SAMMSON: variants seen among roughly 807,000 people sequenced by gnomAD.
The protein encoded by SAMMSON is survival associated mitochondrial melanoma specific oncogenic non-coding RNA, also known as long intergenic non-protein coding RNA 1212.
chr3:70,184,582 T>C (rs1457862024), intron 4 of SAMMSON, among the ~76,000 whole-genome samples: 3 of 152,248 alleles, frequency 2.0e-5, no homozygotes, highest in Non-Finnish European at 4.4e-5. Context: ...GTTTCTTATA[T>C]GTTTGTTAGC....
At chr3:70,124,902 A>G (rs754821274) in intron 4 of SAMMSON, among the ~76,000 whole-genome samples, 2 of 151,846 alleles carry the variant, frequency 1.3e-5, no homozygotes, top group Non-Finnish European at 2.9e-5. Context: ...AAATACATAT[A>G]ATATAGTTCC....
chr3:70,355,128 C>G (rs1349864234), intron 8 of SAMMSON, among the ~76,000 whole-genome samples: 1 of 152,182 alleles, frequency 6.6e-6, no homozygotes, highest in Non-Finnish European at 1.5e-5. Flanking sequence ...TAGGAGACTT[C>G]AGGTCTCTTC....
intron 7 of SAMMSON, among the ~76,000 whole-genome samples, chr3:70,337,576 A>G (rs1010697743): frequency 4.6e-5 from 7 of 152,080 alleles, no homozygotes; most frequent in East Asian, 3.9e-4. Flanking sequence ...ATATTTTGCA[A>G]TCTTTATTTA....
At chr3:70,265,040 G>A (rs139334039) in intron 6 of SAMMSON, among the ~76,000 whole-genome samples, 146 of 152,224 alleles carry the variant, frequency 9.6e-4, no homozygotes, top group Non-Finnish European at 1.5e-3. Context: ...ATCAGATATC[G>A]TGAGACTTAT....
At chr3:70,424,460 T>C (rs957570936) in intron 2 of SAMMSON, among the ~76,000 whole-genome samples, 1 of 152,168 alleles carries the variant, frequency 6.6e-6, no homozygotes, top group Non-Finnish European at 1.5e-5. Context: ...AAACAACAAA[T>C]GTACTAAAAT....
chr3:70,247,310 T>C (rs2106647421), intron 4 of SAMMSON, among the ~76,000 whole-genome samples: 1 of 152,134 alleles, frequency 6.6e-6, no homozygotes, highest in South Asian at 2.1e-4. Context: ...AGGCTGTGTT[T>C]CTCTGGCAGT....
intron 7 of SAMMSON, among the ~76,000 whole-genome samples, chr3:70,335,286 G>A (rs1450388832): frequency 1.3e-5 from 2 of 151,984 alleles, no homozygotes; most frequent in Non-Finnish European, 2.9e-5. Context: ...TATGTACATA[G>A]TACATGCACT....
intron 7 of SAMMSON, among the ~76,000 whole-genome samples, chr3:70,345,709 A>G (rs757592050): frequency 6.6e-6 from 1 of 152,164 alleles, no homozygotes; most frequent in Non-Finnish European, 1.5e-5. Context: ...TGTTTTGCCT[A>G]TTCCAGAATA....
chr3:70,066,002 C>G (rs961011840), intron 3 of SAMMSON, among the ~76,000 whole-genome samples: 1 of 152,084 alleles, frequency 6.6e-6, no homozygotes, highest in Non-Finnish European at 1.5e-5. Context: ...TGAGCTGAGG[C>G]CTATGTAACC....
At chr3:70,264,226 T>G (rs1192195562) in intron 6 of SAMMSON, among the ~76,000 whole-genome samples, 1 of 152,222 alleles carries the variant, frequency 6.6e-6, no homozygotes, top group Non-Finnish European at 1.5e-5. Flanking sequence ...GACTTGAACA[T>G]CTCTTGACCT....
At chr3:70,134,272 A>AG (rs1379491074) in intron 4 of SAMMSON, among the ~76,000 whole-genome samples, 1 of 151,314 alleles carries the variant, frequency 6.6e-6, no homozygotes, top group Non-Finnish European at 1.5e-5. Context: ...AAAAAAAAAA[A>AG]TATTAAATGA....
chr3:70,110,347 G>T (rs1412274581), intron 4 of SAMMSON, among the ~76,000 whole-genome samples: 1 of 152,140 alleles, frequency 6.6e-6, no homozygotes. Context: ...GACTCTATTT[G>T]TATCCCCAGG....
At chr3:70,206,524 G>T (rs545307606) in intron 4 of SAMMSON, 3 of 397,118 alleles carry the variant, frequency 7.6e-6, no homozygotes, top group African/African-American at 4.1e-5. Context: ...GGGGATGGGG[G>T]TTGGGAGCTT....
chr3:70,185,807 CAAA>C (rs34529551), intron 4 of SAMMSON, among the ~76,000 whole-genome samples: 1 of 102,960 alleles, frequency 9.7e-6, no homozygotes. Flanking sequence ...CCCGCCTCTA[CAAA>C]AAAAAAAAAA....
intron 9 of SAMMSON, among the ~76,000 whole-genome samples, chr3:70,370,009 TTTTC>T (rs1345032131): frequency 6.6e-6 from 1 of 151,884 alleles, no homozygotes; most frequent in African/African-American, 2.4e-5. Context: ...TCTATCATTC[TTTTC>T]TTTATCTCCG....
intron 4 of SAMMSON, among the ~76,000 whole-genome samples, chr3:70,211,402 T>C (rs868188657): frequency 0.02 from 29 of 1,454 alleles, no homozygotes; most frequent in Non-Finnish European, 0.047. Context: ...CTTCCCTTCC[T>C]TTTGCCCTTC....
At chr3:70,406,525 A>T (rs1201590028) in intron 2 of SAMMSON, among the ~76,000 whole-genome samples, 1 of 152,210 alleles carries the variant, frequency 6.6e-6, no homozygotes, top group Non-Finnish European at 1.5e-5. Context: ...TAAAAATAGC[A>T]ACCATATATT....
intron 7 of SAMMSON, among the ~76,000 whole-genome samples, chr3:70,305,556 G>A (rs1285921376): frequency 2.6e-5 from 4 of 152,198 alleles, no homozygotes; most frequent in African/African-American, 7.2e-5. Flanking sequence ...AAGTACATGA[G>A]TTCCTTGAGG....
chr3:70,056,743 G>A (rs1439779523), intron 3 of SAMMSON, among the ~76,000 whole-genome samples: 1 of 151,852 alleles, frequency 6.6e-6, no homozygotes, highest in Non-Finnish European at 1.5e-5. Flanking sequence ...ATTAACAAAA[G>A]ATTCTTACTC....
Sources: allele counts gnomAD v4.1 joint callset (sites outside exome capture counted in the v4.1 genomes callset), GRCh38; gene constraint gnomAD v4.1.1; transcripts MANE v1.5; gene names NCBI Gene and HGNC (gene_info 2026-07-23, HGNC 2026-07-21).